Variants in NFAT5 observed in about 807,000 individuals in gnomAD.
NFAT5 encodes the protein nuclear factor of activated T cells 5, also known as nuclear factor of activated T-cells 5.
A neutral mutation model predicts 166.5 loss-of-function variants in NFAT5; 31 were observed. That is an observed-to-expected ratio of 0.19 (90% CI 0.14 to 0.25). NFAT5 has a LOEUF of 0.25. NFAT5 is among the 10% of genes least tolerant of loss of function. The pLI, the probability that NFAT5 is intolerant of heterozygous loss-of-function variation, is 1.00. For missense variants in NFAT5, 1,449 were observed against 1,821.8 expected (o/e 0.80, Z 3.72); for synonymous variants, 612 against 639.7 (o/e 0.96, Z 0.65).
chr16:69,622,883 C>T (rs1260514343), intron 2 of NFAT5, among the ~76,000 whole-genome samples: 3 of 150,610 alleles, frequency 2.0e-5, no homozygotes, highest in East Asian at 3.9e-4. Context: ...TGGTGGCTCA[C>T]GCCTGTAATC....
chr16:69,691,620 A>G (rs562028112), intron 12 of NFAT5, 129 bp from the exon 13 acceptor site: 2 of 678,646 alleles, frequency 2.9e-6, no homozygotes, highest in East Asian at 5.5e-5. Context: ...CCTGTTTTCT[A>G]AATGATAATA....
chr16:69,677,904 G>A lies in NFAT5; in HGVS notation c.1690+569G>A, dbSNP rs2036895241. Among the ~76,000 whole-genome samples, 4 of 152,068 alleles carry A rather than the reference G, an allele frequency of 2.6e-5. No individual in the cohort carries two copies. In the South Asian group the frequency reaches 8.3e-4, roughly 32 times the overall value. On this transcript the variant is annotated intron_variant, in intron 10 of 14. Coordinates refer to ENST00000349945, the MANE Select transcript of NFAT5 (RefSeq NM_138713.4). ...GCGGTGATGCACACCTGTAATCTCA[G>A]CACTTTGGGAGGCCGAGGCGGGTGG...
chr16:69,634,873 C>A (rs2034888189), intron 3 of NFAT5, among the ~76,000 whole-genome samples: 2 of 151,988 alleles, frequency 1.3e-5, no homozygotes, highest in Non-Finnish European at 2.9e-5. Flanking sequence ...AATAATATTA[C>A]CCTTGTAGTT....
intron 3 of NFAT5, among the ~76,000 whole-genome samples, chr16:69,631,022 T>G (rs1350236561): frequency 1.3e-5 from 2 of 152,238 alleles, no homozygotes; most frequent in African/African-American, 4.8e-5. Context: ...CTTGTTTTGT[T>G]TGGCTTCATT....
chr16:69,688,439 G>C (rs1040397431), intron 11 of NFAT5, among the ~76,000 whole-genome samples: 7 of 151,982 alleles, frequency 4.6e-5, no homozygotes, highest in Non-Finnish European at 8.8e-5. Context: ...GCAGTGGCGT[G>C]GTCTCGGCTT....
Position 69,585,301 on chromosome 16 carries a change from G to A in NFAT5, c.127+16753G>A, listed in dbSNP as rs537831575. 1.1e-4 allele frequency among the ~76,000 whole-genome samples: 17 copies of A among 151,514 alleles called. No individual in the cohort carries two copies. In the East Asian group the frequency reaches 2.9e-3, roughly 26 times the overall value. On this transcript the variant is annotated intron_variant, in intron 2 of 14. Coordinates refer to ENST00000349945, the MANE Select transcript of NFAT5 (RefSeq NM_138713.4). The stretch of plus-strand genomic sequence containing the variant: ...TGGGATTACTGGTGTGAGCCACGGC[G>A]CCCAGCCCAATTTTTTTTTTTTTAA...
At chr16:69,599,305 A>G (rs1045545687) in intron 2 of NFAT5, among the ~76,000 whole-genome samples, 1 of 152,154 alleles carries the variant, frequency 6.6e-6, no homozygotes, top group South Asian at 2.1e-4. Flanking sequence ...GGCCAGGCTC[A>G]GTGGCTCACA....
At chr16:69,598,678 C>T (rs1330674097) in intron 2 of NFAT5, among the ~76,000 whole-genome samples, 1 of 152,016 alleles carries the variant, frequency 6.6e-6, no homozygotes, top group South Asian at 2.1e-4. Context: ...TCCTTTTCCT[C>T]ACCAGTTCAT....
In NFAT5 at chr16:69,566,473, G is replaced by A; in HGVS notation, c.73+99G>A. ...GAGGGGTCCCCGTCCCGCCGGGGGCGGCTGAGCCGCGACCCCCATGGCTTC... is the reference window on the plus strand; with the variant it reads ...GAGGGGTCCCCGTCCCGCCGGGGGCAGCTGAGCCGCGACCCCCATGGCTTC... On this transcript the variant is annotated intron_variant, in intron 1 of 14. Transcript: ENST00000349945. This position sits in a 1 kb window ranked among gnomAD's most constrained non-coding sequence, Gnocchi z 5.7. 1 of 1,058,864 alleles carries A rather than the reference G, an allele frequency of 9.4e-7. No individual in the cohort carries two copies. Among genetic ancestry groups the A allele is most frequent in the Non-Finnish European group, 1.4e-6 (1 of 709,026 alleles). The allele number at this position is 1,058,864 out of a possible 1,614,324, so 65.6% of individuals were successfully genotyped here.
chr16:69,694,680 C>T (rs1428926138), intron 13 of NFAT5, among the ~76,000 whole-genome samples: 3 of 152,158 alleles, frequency 2.0e-5, no homozygotes. Context: ...GATAATATTA[C>T]ATACTTTACA....
At chr16:69,657,632 C>T (rs149067060) in intron 6 of NFAT5, among the ~76,000 whole-genome samples, 4,494 of 148,426 alleles carry the variant, frequency 0.03, 206 homozygotes, top group East Asian at 0.23. Context: ...TGGTGGTGGG[C>T]GCCTGTAATC....
chr16:69,664,949 C>T (rs1168824355), intron 7 of NFAT5, among the ~76,000 whole-genome samples: 3 of 152,160 alleles, frequency 2.0e-5, no homozygotes, highest in Non-Finnish European at 4.4e-5. Flanking sequence ...ATTGCTTGAA[C>T]CTGGGAGGTG....
Position 69,693,617 on chromosome 16 carries a change from A to T in NFAT5, c.3792A>T (p.Pro1264=), listed in dbSNP as rs1488419250. 1.2e-6 allele frequency: 2 copies of T among 1,614,178 alleles called. No homozygotes were observed. The highest frequency in any genetic ancestry group is 1.7e-6 in the Non-Finnish European group (2 of 1,180,018). Residue 1264 remains proline (P), a synonymous_variant, in exon 13 of 15, where the codon CCA becomes CCT. Transcript: ENST00000349945. ...TAGTTGCCATGCAGAGTAACTCTCC[A>T]TCCCAGGAACAGCAGCAGCAGCAGC... is the stretch of plus-strand genomic sequence containing the variant. ...HSIVAMQSNS[P]SQEQQQQQQQ...
intron 14 of NFAT5, chr16:69,695,759 G>A (rs2037745692): frequency 1.2e-5 from 2 of 166,640 alleles, no homozygotes; most frequent in South Asian, 1.5e-4. Flanking sequence ...TCTGAAATCC[G>A]AATCTTTTTG....
At chr16:69,641,277 C>CAAAA (rs60281310) in intron 3 of NFAT5, among the ~76,000 whole-genome samples, 2 of 72,878 alleles carry the variant, frequency 2.7e-5, no homozygotes, top group African/African-American at 5.3e-5. Context: ...GACTCCGTCT[C>CAAAA]AAAAAAAAAA....
chr16:69,575,000 G>T (rs1398235751), intron 2 of NFAT5, among the ~76,000 whole-genome samples: 1 of 151,746 alleles, frequency 6.6e-6, no homozygotes, highest in Non-Finnish European at 1.5e-5. Context: ...ACATTTATGT[G>T]GTAAATAGGT....
intron 6 of NFAT5, among the ~76,000 whole-genome samples, chr16:69,658,470 C>T (rs1283301956): frequency 6.9e-6 from 1 of 145,378 alleles, no homozygotes; most frequent in African/African-American, 2.6e-5. Context: ...GCAACAAGAG[C>T]GAAACTCTGT....
intron 2 of NFAT5, among the ~76,000 whole-genome samples, chr16:69,608,035 A>G (rs888099676): frequency 6.6e-6 from 1 of 152,168 alleles, no homozygotes; most frequent in Non-Finnish European, 1.5e-5. Flanking sequence ...TTATGGTAGT[A>G]TAATCATGTA....
At chr16:69,656,282 C>CAAAA (rs1230748739) in intron 6 of NFAT5, among the ~76,000 whole-genome samples, 18 of 58,716 alleles carry the variant, frequency 3.1e-4, no homozygotes, top group Non-Finnish European at 2.7e-4. Context: ...CTCTGTCTCA[C>CAAAA]AAAAAAAAAA....
Sources: allele counts gnomAD v4.1 joint callset (sites outside exome capture counted in the v4.1 genomes callset), GRCh38; gene constraint gnomAD v4.1.1; non-coding constraint Gnocchi (gnomAD v3.1); transcripts MANE v1.5; gene names NCBI Gene and HGNC (gene_info 2026-07-23, HGNC 2026-07-21).